PPP2R2C: variants seen among roughly 807,000 people sequenced by gnomAD.
PPP2R2C encodes the protein protein phosphatase 2 regulatory subunit Bgamma.
Under a neutral mutation model 45.3 loss-of-function variants are expected in PPP2R2C, and 10 were observed. The observed-to-expected ratio is 0.22, with a 90% CI of 0.14 to 0.37. The LOEUF is 0.37. PPP2R2C is among the 10% of genes least tolerant of loss of function. PPP2R2C has a pLI of 1.00. For synonymous variants in PPP2R2C, 257 were observed against 245.4 expected, an observed-to-expected ratio of 1.05 and a Z score of -0.44; for missense variants, 308 against 619.7, an observed-to-expected ratio of 0.50 and a Z score of 5.34.
rs546197506 is a variant in PPP2R2C, at chr4:6,400,312, A to G, written c.71-19218T>C. On this transcript the variant is annotated intron_variant, in intron 1 of 8. Transcript: ENST00000382599. ...GATTAAAGAGATTGATACACACGCC[A>G]CTCTTCTCACTTTTTAAAACAAAAC... 3.9e-5 allele frequency among the ~76,000 whole-genome samples: 6 copies of G among 152,060 alleles called. No individual in the cohort carries two copies. The South Asian group carries it at 1.3e-3, about 32-fold the overall frequency.
At chr4:6,443,505 G>A (rs1026221733) in intron 1 of PPP2R2C, among the ~76,000 whole-genome samples, 3 of 152,174 alleles carry the variant, frequency 2.0e-5, no homozygotes, top group Non-Finnish European at 2.9e-5. Flanking sequence ...ACCCCCTTCC[G>A]TGGTACTTCT....
rs73798228 is a variant in PPP2R2C at position 6,406,060 on chromosome 4, G to A, written c.71-24966C>T. Among the ~76,000 whole-genome samples, 1,286 of 152,252 alleles carry A rather than the reference G, an allele frequency of 8.4e-3. 15 individuals are homozygous for A. The highest frequency in any genetic ancestry group is 0.028 in the African/African-American group (1,172 of 41,532). Reference sequence around the variant, plus strand: ...ATTACAATTACCACAATTAAACTGAGCATTTATTAAGTGCTCATGTTGAGC... The same window carrying A: ...ATTACAATTACCACAATTAAACTGAACATTTATTAAGTGCTCATGTTGAGC... On this transcript the variant is annotated intron_variant, in intron 1 of 8. Transcript: ENST00000382599.
chr4:6,449,838 G>C (rs1241887632), intron 1 of PPP2R2C, among the ~76,000 whole-genome samples: 2 of 152,218 alleles, frequency 1.3e-5, no homozygotes, highest in African/African-American at 4.8e-5. Flanking sequence ...CAGAGAGACA[G>C]CCAGTCCTGG....
chr4:6,381,163 G>T lies in PPP2R2C; in HGVS notation c.71-69C>A, dbSNP rs533061641. ...CCGCCTCTCCCGGGTGCTCAACAGTGCCACAGCAATGGCGAGCTCCCCGCT... is the reference window on the plus strand; with the variant it reads ...CCGCCTCTCCCGGGTGCTCAACAGTTCCACAGCAATGGCGAGCTCCCCGCT... On this transcript the variant is annotated intron_variant, in intron 1 of 8. Transcript: ENST00000382599. 8.4e-6 allele frequency: 13 copies of T among 1,552,018 alleles called. No individual in the cohort carries two copies. The Admixed American group carries it at 2.1e-4, about 26-fold the overall frequency.
At chr4:6,370,507 G>A (rs2109291174) in intron 5 of PPP2R2C, among the ~76,000 whole-genome samples, 1 of 152,264 alleles carries the variant, frequency 6.6e-6, no homozygotes, top group Admixed American at 6.5e-5. Context: ...GTCCGGCCTG[G>A]CCAATCACAA....
chr4:6,411,103 T>C (rs1360396548), intron 1 of PPP2R2C, among the ~76,000 whole-genome samples: 1 of 151,864 alleles, frequency 6.6e-6, no homozygotes, highest in Non-Finnish European at 1.5e-5. Context: ...ACTCCTGAGC[T>C]CAAGTGATCT....
chr4:6,483,439 T>C (rs974149687), intron 2 of PPP2R2C, among the ~76,000 whole-genome samples: 3 of 152,138 alleles, frequency 2.0e-5, no homozygotes, highest in Non-Finnish European at 4.4e-5. Context: ...CAAAATTTGG[T>C]ATAGTCAGCC....
intron 2 of PPP2R2C, among the ~76,000 whole-genome samples, chr4:6,506,767 G>T (rs778847160): frequency 2.0e-5 from 3 of 152,168 alleles, no homozygotes; most frequent in Non-Finnish European, 4.4e-5. Context: ...ACAGCAGTGG[G>T]GGCTGCACTC....
chr4:6,357,975 G>C (rs1444352174), intron 5 of PPP2R2C, among the ~76,000 whole-genome samples: 2 of 152,112 alleles, frequency 1.3e-5, no homozygotes, highest in African/African-American at 4.8e-5. Context: ...TCACAGAACT[G>C]GAAAAAACTA....
At chr4:6,406,490 G>A (rs1248539182) in intron 1 of PPP2R2C, among the ~76,000 whole-genome samples, 1 of 152,204 alleles carries the variant, frequency 6.6e-6, no homozygotes, top group East Asian at 1.9e-4. Context: ...AGCACTTTGG[G>A]AGCCCAATGC....
rs776456172 is a variant in PPP2R2C at position 6,378,344 on chromosome 4, C to T, written c.334+63G>A. 5.6e-6 allele frequency: 9 copies of T among 1,607,298 alleles called. No individual in the cohort carries two copies. Among genetic ancestry groups the T allele is most frequent in the Non-Finnish European group, 7.6e-6 (9 of 1,177,762 alleles). Reference sequence around the variant, plus strand: ...GCTCACAATATAAGTGAAATACAAACCAGCATTTGGTAGAAACATCTACGG... The same window carrying T: ...GCTCACAATATAAGTGAAATACAAATCAGCATTTGGTAGAAACATCTACGG... On this transcript the variant is annotated intron_variant, in intron 3 of 8. Coordinates refer to ENST00000382599, the MANE Select transcript of PPP2R2C (RefSeq NM_020416.4). The surrounding 1 kb of genome is among the most constrained non-coding windows in gnomAD (Gnocchi z 5.2).
chr4:6,448,462 A>C (rs1179553271), intron 1 of PPP2R2C, among the ~76,000 whole-genome samples: 1 of 151,748 alleles, frequency 6.6e-6, no homozygotes, highest in South Asian at 2.1e-4. Context: ...GGCCGGCCCC[A>C]CCTCCAGAGA....
chr4:6,405,199 T>A (rs958092167), intron 1 of PPP2R2C, among the ~76,000 whole-genome samples: 1 of 152,138 alleles, frequency 6.6e-6, no homozygotes, highest in Non-Finnish European at 1.5e-5. Flanking sequence ...TCTCCCCGTT[T>A]TACAGATGAG....
chr4:6,412,478 G>A (rs1443983046), intron 1 of PPP2R2C, among the ~76,000 whole-genome samples: 2 of 152,208 alleles, frequency 1.3e-5, no homozygotes, highest in African/African-American at 4.8e-5. Context: ...CAGCAGGCAT[G>A]TAGATGCCAG....
chr4:6,387,721 G>A (rs949830314), intron 1 of PPP2R2C, among the ~76,000 whole-genome samples: 1 of 151,892 alleles, frequency 6.6e-6, no homozygotes, highest in African/African-American at 2.4e-5. Flanking sequence ...GCTGAGGCAG[G>A]AGAATTGCTT....
chr4:6,494,727 A>G (rs1722818348), intron 2 of PPP2R2C, among the ~76,000 whole-genome samples: 3 of 152,220 alleles, frequency 2.0e-5, no homozygotes, highest in Admixed American at 1.3e-4. Flanking sequence ...CCTGGGACAC[A>G]GGTCAGGGAT....
chr4:6,555,323 C>T (rs754111680), intron 1 of PPP2R2C, among the ~76,000 whole-genome samples: 1 of 152,240 alleles, frequency 6.6e-6, no homozygotes, highest in Non-Finnish European at 1.5e-5. Context: ...ACGTCTGGGG[C>T]TGCCCTGTGC....
rs1028986442 is a variant in PPP2R2C, at chr4:6,382,769, A to G, written c.71-1675T>C. 3 of 728,740 alleles carry G rather than the reference A, an allele frequency of 4.1e-6. 1 individual carries two copies. In the South Asian group the frequency reaches 6.0e-5, roughly 15 times the overall value. The allele number at this position is 728,740 out of a possible 1,614,324, so 45.1% of individuals were successfully genotyped here. On this transcript the variant is annotated intron_variant, in intron 1 of 8. Transcript: ENST00000382599. ...TTCACAGCATATCGGGATGCCAGCC[A>G]CTCTCCCACCTCTCACTGGATGACT...
intron 1 of PPP2R2C, among the ~76,000 whole-genome samples, chr4:6,414,611 G>A (rs1449829526): frequency 6.6e-6 from 1 of 151,922 alleles, no homozygotes; most frequent in East Asian, 1.9e-4. Context: ...CCTACGAGAT[G>A]GGCAGGGGGT....
Sources: gnomAD v4.1 joint callset for allele counts (sites outside exome capture counted in the v4.1 genomes callset) on GRCh38, gnomAD v4.1.1 for gene constraint, Gnocchi (gnomAD v3.1) non-coding constraint, MANE v1.5 for transcripts, NCBI Gene and HGNC (gene_info 2026-07-23, HGNC 2026-07-21) for gene names.